The following LCN1 variants were observed in gnomAD, a reference collection of about 807,000 sequenced individuals.
LCN1 encodes lipocalin 1, also known as lipocalin-1.
LCN1 carries 25 observed loss-of-function variants against 22.3 expected under a neutral mutation model. That is an observed-to-expected ratio of 1.12 (90% CI 0.82 to 1.56). The LOEUF is 1.56. Ranked by LOEUF, LCN1 falls within the 40% of genes most tolerant of loss-of-function variation. LCN1 has a pLI of 0.00. For missense variants in LCN1, 219 were observed against 235.6 expected, an observed-to-expected ratio of 0.93 and a Z score of 0.46; for synonymous variants, 85 against 97.6, an observed-to-expected ratio of 0.87 and a Z score of 0.76.
rs780455251 is a variant in LCN1 at position 135,523,280 on chromosome 9, C to A, written c.270C>A (p.Asp90Glu). 1 of 1,612,230 alleles carries A rather than the reference C, an allele frequency of 6.2e-7. No individual in the cohort carries two copies. Among genetic ancestry groups the A allele is most frequent in the East Asian group, 2.2e-5 (1 of 44,840 alleles). Residue 90 changes from aspartate (D) to glutamate (E), a missense_variant, in exon 3 of 7, where the codon GAC (aspartate) becomes GAA (glutamate). Transcript: ENST00000371781. Reference protein sequence around the residue: ...QEVKAVLEKTDEPGKYTADGG... With the variant: ...QEVKAVLEKTEEPGKYTADGG... ...TGAAGGCCGTCCTGGAGAAAACTGA[C>A]GAGCCGGGAAAATACACGGCCGGTG...
Position 135,522,140 on chromosome 9 carries a change from C to T in LCN1, c.184C>T (p.Leu62=). ...GGTGACACCCATGACCCTCACGACC[C>T]TGGAAGGGGGCAACCTGGAAGCCAA... The part of the protein sequence containing the change: ...ESVTPMTLTT[L]EGGNLEAKVT... The change falls in exon 2 of 7, where the codon CTG becomes TTG. Residue 62 remains leucine (L), a synonymous_variant. Transcript: ENST00000371781. The T allele has an allele frequency of 6.2e-7, 1 of 1,602,528 alleles. No homozygotes were observed. The highest frequency in any genetic ancestry group is 1.7e-5 in the Admixed American group (1 of 58,440).
At position 135,524,889 on chromosome 9, in the gene LCN1, C is replaced by T. The variant is rs748720902; in HGVS notation, c.463C>T (p.Arg155Cys). 6.8e-6 allele frequency: 11 copies of T among 1,608,068 alleles called. No homozygotes were observed. The highest frequency in any genetic ancestry group is 3.3e-5 in the South Asian group (3 of 90,002). The change falls in exon 5 of 7, where the codon CGC (arginine) becomes TGC (cysteine). Residue 155 changes from arginine to cysteine, a missense_variant. By Grantham distance (180) the Arg-to-Cys change is radical. Coordinates refer to ENST00000371781, the MANE Select transcript of LCN1 (RefSeq NM_002297.4). The part of the protein sequence containing the change: ...LEDFEKAAGA[R>C]GLSTESILIP... Reference sequence around the variant, plus strand: ...GGACTTTGAGAAAGCCGCAGGAGCCCGCGGACTCAGCACGGAGAGCATCCT... The same window carrying T: ...GGACTTTGAGAAAGCCGCAGGAGCCTGCGGACTCAGCACGGAGAGCATCCT...
Position 135,521,600 on chromosome 9 carries a change from T to C in LCN1, c.90+13T>C. 1.3e-6 allele frequency: 2 copies of C among 1,598,584 alleles called. No homozygotes were observed. Among genetic ancestry groups the C allele is most frequent in the Non-Finnish European group, 1.7e-6 (2 of 1,170,370 alleles). On this transcript the variant is annotated intron_variant, in intron 1 of 6. Coordinates refer to ENST00000371781, the MANE Select transcript of LCN1 (RefSeq NM_002297.4). ...GGAGATTCAGGATGTGAGGCCCGGA[T>C]GGGAAGGCTGGGCTGGAGGGGGCAA...
At chr9:135,522,961 G>A (rs1831535638) in intron 2 of LCN1, among the ~76,000 whole-genome samples, 1 of 152,170 alleles carries the variant, frequency 6.6e-6, no homozygotes. Flanking sequence ...GGGTGCCTCT[G>A]GCAGGAAATG....
At chr9:135,522,484 C>T (rs1480121387) in intron 2 of LCN1, among the ~76,000 whole-genome samples, 3 of 152,360 alleles carry the variant, frequency 2.0e-5, no homozygotes, top group Non-Finnish European at 2.9e-5. Context: ...GTGTTTACCC[C>T]CGACCAGAGT....
intron 4 of LCN1, among the ~76,000 whole-genome samples, 170 bp from the exon 5 acceptor site, chr9:135,524,660 C>T (rs1206599063): frequency 2.6e-5 from 4 of 152,186 alleles, no homozygotes; most frequent in Non-Finnish European, 4.4e-5. Flanking sequence ...CCTTCTCAGC[C>T]GTGCACGGCA....
intron 3 of LCN1, among the ~76,000 whole-genome samples, chr9:135,523,512 CGGGG>C (rs1210814623): frequency 2.0e-5 from 3 of 152,238 alleles, no homozygotes; most frequent in African/African-American, 7.2e-5. Context: ...AGGTTTGTCC[CGGGG>C]CGGACCCTCT....
chr9:135,524,880 G>T lies in LCN1; in HGVS notation c.454G>T (p.Ala152Ser), dbSNP rs377244175. 2 of 1,608,050 alleles carry T rather than the reference G, an allele frequency of 1.2e-6. No homozygotes were observed. The highest frequency in any genetic ancestry group is 1.7e-4 in the Middle Eastern group (1 of 5,958). Residue 152 changes from alanine (A) to serine (S), a missense_variant, in exon 5 of 7, where the codon GCA becomes TCA. Transcript: ENST00000371781. ...LEALEDFEKA[A>S]GARGLSTESI... ...AGCCTTGGAGGACTTTGAGAAAGCC[G>T]CAGGAGCCCGCGGACTCAGCACGGA... is the stretch of plus-strand genomic sequence containing the variant.
intron 3 of LCN1, among the ~76,000 whole-genome samples, 163 bp from the exon 4 acceptor site, chr9:135,523,717 C>T (rs757515256): frequency 2.6e-5 from 4 of 152,166 alleles, no homozygotes; most frequent in African/African-American, 9.7e-5. Flanking sequence ...GGTCCCATGG[C>T]CTGGGGCTCA....
In LCN1 at chr9:135,523,910, G is replaced by A. The variant is rs2118953123; in HGVS notation, c.323G>A (p.Arg108Lys). The A allele has an allele frequency of 1.2e-6, 2 of 1,614,100 alleles. No individual in the cohort carries two copies. The highest frequency in any genetic ancestry group is 1.7e-6 in the Non-Finnish European group (2 of 1,179,978). Residue 108 changes from arginine (R) to lysine (K), a missense_variant, in exon 4 of 7, where the codon AGG (arginine) becomes AAG (lysine). By Grantham distance (26) the Arg-to-Lys change is conservative. Transcript: ENST00000371781. ...GGCAAGCACGTGGCATACATCATCA[G>A]GTCGCACGTGAAGGACCACTACATC... ...DGGKHVAYII[R>K]SHVKDHYIFY...
At position 135,521,925 on chromosome 9, in the gene LCN1, G is replaced by A. The variant is rs1312038409; in HGVS notation, c.91-122G>A. The A allele has an allele frequency of 2.7e-6, 4 of 1,465,380 alleles. No homozygotes were observed. In the Admixed American group the frequency reaches 8.6e-5, roughly 32 times the overall value. The allele number at this position is 1,465,380 out of a possible 1,614,324, so 90.8% of individuals were successfully genotyped here. A position where few individuals can be genotyped will look rare whatever the true frequency, so the allele number is the denominator to read the frequency against. The stretch of plus-strand genomic sequence containing the variant: ...TGCTGGGTGTTTTCTGGGTGGGTTA[G>A]ATTGGGGAACGTTCCCCGTTTCCAG... On this transcript the variant is annotated intron_variant, in intron 1 of 6. Transcript: ENST00000371781.
chr9:135,524,004 C>T lies in LCN1; in HGVS notation c.403+14C>T. On this transcript the variant is annotated intron_variant, in intron 4 of 6. Coordinates refer to ENST00000371781, the MANE Select transcript of LCN1 (RefSeq NM_002297.4). ...TGAAGCTCGTGGGTGGGTCCCGCAC[C>T]CTCACCCTGCAACCCATGCCTCCAC... The T allele has an allele frequency of 6.3e-7, 1 of 1,597,260 alleles. No individual in the cohort carries two copies. Among genetic ancestry groups the T allele is most frequent in the Non-Finnish European group, 8.6e-7 (1 of 1,164,944 alleles).
rs1258489286 is a variant in LCN1 at position 135,526,413 on chromosome 9, A to T, written c.*71A>T. The T allele has an allele frequency of 8.6e-6, 11 of 1,284,198 alleles. No homozygotes were observed. Among genetic ancestry groups the T allele is most frequent in the Non-Finnish European group, 1.1e-5 (11 of 987,156 alleles). 79.6% of individuals were successfully genotyped at this position (1,284,198 alleles called of 1,614,324 possible). A position where few individuals can be genotyped will look rare whatever the true frequency, so the allele number is the denominator to read the frequency against. On this transcript the variant is annotated 3_prime_UTR_variant, in exon 7 of 7. Transcript: ENST00000371781. ...TCCAGCACCTCCGTCATTCACAGGG[A>T]CATGGAAAAAGCTCCCCACCCCTGC...
chr9:135,522,011 G>C (rs1266251168), intron 1 of LCN1, 36 bp from the exon 2 acceptor site: 8 of 1,586,886 alleles, frequency 5.0e-6, no homozygotes, highest in Non-Finnish European at 6.9e-6. Context: ...CTCTGGAGCA[G>C]TCGGCCTGAG....
intron 6 of LCN1, 129 bp downstream of exon 6, chr9:135,525,287 G>A: frequency 1.1e-6 from 1 of 891,350 alleles, no homozygotes; most frequent in East Asian, 2.5e-5. Context: ...ACGTAGGTCA[G>A]GCAGGTGGGA....
At chr9:135,523,804 G>A (rs1831559191) in intron 3 of LCN1, 76 bp from the exon 4 acceptor site, 4 of 1,254,610 alleles carry the variant, frequency 3.2e-6, no homozygotes, top group Admixed American at 3.6e-5. Flanking sequence ...GCTGGGCCTG[G>A]CAACGCACGC....
chr9:135,524,998 A>G, intron 5 of LCN1, 67 bp downstream of exon 5: 1 of 1,555,196 alleles, frequency 6.4e-7, no homozygotes, highest in Non-Finnish European at 8.8e-7. Flanking sequence ...GCTGCATTGC[A>G]CGGGCGCATA....
intron 3 of LCN1, 115 bp from the exon 4 acceptor site, chr9:135,523,765 G>C: frequency 1.2e-6 from 1 of 825,856 alleles, no homozygotes; most frequent in Non-Finnish European, 2.0e-6. Context: ...GCTCTGGGAG[G>C]CTGGGAGGGT....
intron 6 of LCN1, 91 bp downstream of exon 6, chr9:135,525,249 C>A: frequency 7.7e-7 from 1 of 1,298,096 alleles, no homozygotes; most frequent in Non-Finnish European, 1.1e-6. Context: ...CCCACCCATC[C>A]CACTCCTACC....
Sources: gnomAD v4.1 joint callset for allele counts (sites outside exome capture counted in the v4.1 genomes callset) on GRCh38, gnomAD v4.1.1 for gene constraint, MANE v1.5 for transcripts, NCBI Gene and HGNC (gene_info 2026-07-23, HGNC 2026-07-21) for gene names.